The following EVI5 variants were observed in gnomAD, a reference collection of about 807,000 sequenced individuals.
The protein encoded by EVI5 is ecotropic viral integration site 5 protein homolog.
EVI5 carries 73 observed loss-of-function variants against 112.0 expected under a neutral mutation model. The ratio of observed to expected loss-of-function variants is 0.65; its 90% CI spans 0.54 to 0.79. The LOEUF (loss-of-function observed/expected upper bound fraction) is 0.79, where lower values mean the gene tolerates loss of function less well. Ranked by LOEUF, EVI5 falls within the 30% of genes least tolerant of loss-of-function variation. EVI5 has a pLI of 0.00. For missense variants in EVI5, 900 were observed against 968.8 expected, an observed-to-expected ratio of 0.93 and a Z score of 0.94; for synonymous variants, 305 against 319.9, an observed-to-expected ratio of 0.95 and a Z score of 0.50.
chr1:92,562,477 C>T (rs1668782247), intron 19 of EVI5, among the ~76,000 whole-genome samples: 2 of 152,020 alleles, frequency 1.3e-5, no homozygotes, highest in African/African-American at 4.8e-5. Context: ...TTGCAGTGAG[C>T]AGAGATTGCA....
chr1:92,566,932 G>A (rs1165343354), intron 18 of EVI5, among the ~76,000 whole-genome samples: 2 of 148,844 alleles, frequency 1.3e-5, no homozygotes, highest in African/African-American at 2.5e-5. Context: ...TCAGCCTTCT[G>A]AGTAGCTGGG....
intron 18 of EVI5, among the ~76,000 whole-genome samples, chr1:92,587,552 T>A (rs556980447): frequency 4.3e-4 from 66 of 152,276 alleles, no homozygotes; most frequent in African/African-American, 1.5e-3. Context: ...TTTTATCACT[T>A]CCTCTCCATC....
chr1:92,641,013 G>A lies in EVI5; in HGVS notation c.1393-4677C>T, dbSNP rs147603324. Among the ~76,000 whole-genome samples, 542 of 152,226 alleles carry A rather than the reference G, an allele frequency of 3.6e-3. 1 individual carries two copies. Among genetic ancestry groups the A allele is most frequent in the Admixed American group, 6.1e-3 (93 of 15,290 alleles). On this transcript the variant is annotated intron_variant, in intron 13 of 19. Coordinates refer to ENST00000684568, the MANE Select transcript of EVI5 (RefSeq NM_001350197.2). ...ATGTTCTCACTCTTAAGTGGGAGCT[G>A]AGCAATGAGAACACATGGACACAGG... is the stretch of plus-strand genomic sequence containing the variant.
At chr1:92,618,681 G>A (rs975684391) in intron 16 of EVI5, among the ~76,000 whole-genome samples, 2 of 152,200 alleles carry the variant, frequency 1.3e-5, no homozygotes, top group African/African-American at 4.8e-5. Context: ...GACCTGCTGA[G>A]GTGCTTGCTG....
At chr1:92,675,796 A>C (rs1666635833) in intron 10 of EVI5, among the ~76,000 whole-genome samples, 1 of 151,978 alleles carries the variant, frequency 6.6e-6, no homozygotes. Context: ...CTTTACTAAA[A>C]ATACAAAAAA....
At chr1:92,698,928 A>T (rs1406907275) in intron 5 of EVI5, among the ~76,000 whole-genome samples, 3 of 152,224 alleles carry the variant, frequency 2.0e-5, no homozygotes, top group Non-Finnish European at 4.4e-5. Flanking sequence ...AGATATTCAG[A>T]ATACTTAGGC....
At chr1:92,739,607 A>G (rs1469161796) in intron 1 of EVI5, among the ~76,000 whole-genome samples, 1 of 152,204 alleles carries the variant, frequency 6.6e-6, no homozygotes, top group Non-Finnish European at 1.5e-5. Flanking sequence ...ATTATATCTC[A>G]ATTTTTTAAG....
rs1403873992 is a variant in EVI5, at chr1:92,513,211, G to A, written c.*445C>T. ...AATCAGATGTATGTCTTGGTCAAAT[G>A]TCTGTAGACAGCCACCTTGAGAACA... On this transcript the variant is annotated 3_prime_UTR_variant, in exon 20 of 20. Coordinates refer to ENST00000684568, the MANE Select transcript of EVI5 (RefSeq NM_001350197.2). The A allele has an allele frequency of 6.7e-6, 1 of 149,598 alleles. No individual in the cohort carries two copies. Among genetic ancestry groups the A allele is most frequent in the Non-Finnish European group, 1.5e-5 (1 of 67,544 alleles). The allele number at this position is 149,598 out of a possible 1,614,324, so 9.3% of individuals were successfully genotyped here.
At chr1:92,681,226 AGTT>A (rs1174122770) in intron 9 of EVI5, among the ~76,000 whole-genome samples, 2 of 152,160 alleles carry the variant, frequency 1.3e-5, no homozygotes, top group African/African-American at 2.4e-5. Context: ...AGGAGAGAAA[AGTT>A]GTTGTTCATA....
At chr1:92,636,084 T>C (rs1557963415) in intron 14 of EVI5, 118 bp downstream of exon 14, 1 of 770,742 alleles carries the variant, frequency 1.3e-6, no homozygotes, top group South Asian at 2.7e-5. Context: ...TAGTAACTAA[T>C]ATGTAAGGCT....
intron 19 of EVI5, among the ~76,000 whole-genome samples, chr1:92,545,842 T>A (rs1172036577): frequency 6.6e-6 from 1 of 151,952 alleles, no homozygotes; most frequent in Admixed American, 6.6e-5. Context: ...TCCTTCTCAG[T>A]CTCCTTTATG....
intron 10 of EVI5, among the ~76,000 whole-genome samples, chr1:92,674,283 C>G (rs779992171): frequency 5.9e-5 from 9 of 152,066 alleles, no homozygotes; most frequent in Middle Eastern, 3.5e-3. Flanking sequence ...CTGGAACCAA[C>G]CCAAATGCCC....
At chr1:92,531,471 C>T (rs1203251833) in intron 19 of EVI5, among the ~76,000 whole-genome samples, 7 of 152,076 alleles carry the variant, frequency 4.6e-5, no homozygotes, top group Non-Finnish European at 1.0e-4. Context: ...AGATCAACCT[C>T]AAGACACATA....
rs942333499 is a variant in EVI5, at chr1:92,639,428, T to C, written c.1393-3092A>G. 4.0e-5 allele frequency among the ~76,000 whole-genome samples: 6 copies of C among 151,632 alleles called. No individual in the cohort carries two copies. The South Asian group carries it at 8.3e-4, about 21-fold the overall frequency. On this transcript the variant is annotated intron_variant, in intron 13 of 19. Coordinates refer to ENST00000684568, the MANE Select transcript of EVI5 (RefSeq NM_001350197.2). ...AAAAAATTTCAATATTTGAAGGAAATAGGAGTAATACAGTAAAAAGTAAAT... is the reference window on the plus strand; with the variant it reads ...AAAAAATTTCAATATTTGAAGGAAACAGGAGTAATACAGTAAAAAGTAAAT...
intron 18 of EVI5, among the ~76,000 whole-genome samples, chr1:92,582,487 T>C (rs890651214): frequency 6.6e-6 from 1 of 151,786 alleles, no homozygotes; most frequent in African/African-American, 2.4e-5. Flanking sequence ...ATGGGAAGAT[T>C]AGGGAGCACA....
At chr1:92,558,762 GA>G (rs1485440801) in intron 19 of EVI5, among the ~76,000 whole-genome samples, 1 of 151,148 alleles carries the variant, frequency 6.6e-6, no homozygotes, top group Non-Finnish European at 1.5e-5. Flanking sequence ...AGCTACTCAG[GA>G]AGTTAAGGTG....
intron 6 of EVI5, among the ~76,000 whole-genome samples, chr1:92,696,602 A>C (rs1670356212): frequency 6.6e-6 from 1 of 151,970 alleles, no homozygotes; most frequent in Non-Finnish European, 1.5e-5. Context: ...GTGTCATTGT[A>C]CTTCAGCCTG....
chr1:92,755,904 G>A, intron 1 of EVI5: 1 of 174,184 alleles, frequency 5.7e-6, no homozygotes, highest in Non-Finnish European at 1.3e-5. Context: ...TCATACAAAG[G>A]CCAGTCCCCT....
chr1:92,634,698 T>TTTGTTGATCTTTTCAAAAAAC (rs1658338827), intron 14 of EVI5, among the ~76,000 whole-genome samples: 4 of 152,178 alleles, frequency 2.6e-5, no homozygotes, highest in Admixed American at 1.3e-4. Flanking sequence ...CATTCTCCAT[T>TTTGTTGATCTTTTCAAAAAAC]CAGCTTTTTT....
Sources: gnomAD v4.1 joint callset for allele counts (sites outside exome capture counted in the v4.1 genomes callset) on GRCh38, gnomAD v4.1.1 for gene constraint, MANE v1.5 for transcripts, NCBI Gene and HGNC (gene_info 2026-07-23, HGNC 2026-07-21) for gene names.